The following KCNIP4 variants were observed in gnomAD, a reference collection of about 807,000 sequenced individuals.
KCNIP4 encodes Kv channel-interacting protein 4.
KCNIP4 carries 12 observed loss-of-function variants against 34.0 expected under a neutral mutation model. The ratio of observed to expected loss-of-function variants is 0.35; its 90% CI spans 0.23 to 0.57. The LOEUF is 0.57. Ranked by LOEUF, KCNIP4 falls within the 20% of genes least tolerant of loss-of-function variation. KCNIP4 has a pLI of 0.83. For missense variants in KCNIP4, 238 were observed against 311.7 expected (o/e 0.76, Z 1.78); for synonymous variants, 124 against 102.2 (o/e 1.21, Z -1.29).
At chr4:21,914,574 T>C (rs531187656) in intron 1 of KCNIP4, among the ~76,000 whole-genome samples, 1 of 152,214 alleles carries the variant, frequency 6.6e-6, no homozygotes, top group Admixed American at 6.5e-5. Flanking sequence ...TCCCTTCTCT[T>C]CAGGCAGGTC....
In KCNIP4 at chr4:21,588,570, A is replaced by T. The variant is rs529831353; in HGVS notation, c.61+360001T>A. ...AATGAATTACCTATATTTCAGATAC[A>T]TATGCAGGATACTTCTACTTTCTAT... is the stretch of plus-strand genomic sequence containing the variant. On this transcript the variant is annotated intron_variant, in intron 1 of 8. Coordinates refer to ENST00000382152, the MANE Select transcript of KCNIP4 (RefSeq NM_025221.6). Among the ~76,000 whole-genome samples the T allele has an allele frequency of 3.2e-4, 48 of 152,138 alleles. 1 individual carries two copies. Among genetic ancestry groups the T allele is most frequent in the African/African-American group, 1.1e-3 (46 of 41,560 alleles).
At chr4:21,834,839 T>A (rs1159103019) in intron 1 of KCNIP4, among the ~76,000 whole-genome samples, 1 of 152,192 alleles carries the variant, frequency 6.6e-6, no homozygotes, top group East Asian at 1.9e-4. Context: ...TTTCTGCAAC[T>A]ATTGAGATAA....
chr4:21,644,177 A>G (rs1746840393), intron 1 of KCNIP4, among the ~76,000 whole-genome samples: 1 of 152,170 alleles, frequency 6.6e-6, no homozygotes, highest in Non-Finnish European at 1.5e-5. Flanking sequence ...TGTAGTTACC[A>G]TCTACAGAGA....
chr4:21,482,812 G>A (rs529643827), intron 1 of KCNIP4, among the ~76,000 whole-genome samples: 1 of 152,090 alleles, frequency 6.6e-6, no homozygotes, highest in South Asian at 2.1e-4. Context: ...TTCTCGAGGA[G>A]TATCTTTGTG....
chr4:21,136,379 C>T (rs920711306), intron 1 of KCNIP4, among the ~76,000 whole-genome samples: 15 of 152,300 alleles, frequency 9.8e-5, no homozygotes, highest in Non-Finnish European at 2.2e-4. Context: ...GAAAAGTACA[C>T]ACGCACAATC....
intron 4 of KCNIP4, among the ~76,000 whole-genome samples, chr4:20,754,338 G>T (rs1754140971): frequency 6.6e-6 from 1 of 152,096 alleles, no homozygotes; most frequent in Non-Finnish European, 1.5e-5. Context: ...CACTTTCCTG[G>T]AGGAAATGGT....
chr4:21,823,800 G>T (rs539259892), intron 1 of KCNIP4, among the ~76,000 whole-genome samples: 1 of 152,196 alleles, frequency 6.6e-6, no homozygotes, highest in African/African-American at 2.4e-5. Flanking sequence ...TGACTTTTAT[G>T]AATCCCTCTT....
chr4:20,937,267 C>CTTTTT, intron 1 of KCNIP4, among the ~76,000 whole-genome samples: 1 of 88,146 alleles, frequency 1.1e-5, no homozygotes, highest in Non-Finnish European at 2.1e-5. Flanking sequence ...CAGAGTTTTG[C>CTTTTT]TCTGTTGCCC....
intron 1 of KCNIP4, among the ~76,000 whole-genome samples, chr4:20,897,434 G>A (rs773442011): frequency 8.5e-5 from 13 of 152,050 alleles, no homozygotes; most frequent in Non-Finnish European, 1.9e-4. Flanking sequence ...GTGTCCTCAC[G>A]AAACTACTTC....
rs548969424 is a variant in KCNIP4, at chr4:20,758,732, G to A, written c.358+89C>T. 11 of 940,644 alleles carry A rather than the reference G, an allele frequency of 1.2e-5. No individual in the cohort carries two copies. The South Asian group carries it at 1.2e-4, about 10-fold the overall frequency. 58.3% of individuals were successfully genotyped at this position (940,644 alleles called of 1,614,324 possible). ...ATTCTTTTACATAACGATTAAAAAT[G>A]TAGCATCATGCTATGAAAAATTAAA... On this transcript the variant is annotated intron_variant, in intron 4 of 8. Transcript: ENST00000382152.
chr4:21,303,848 T>C (rs1355934786), intron 1 of KCNIP4: 1 of 1,613,824 alleles, frequency 6.2e-7, no homozygotes, highest in Non-Finnish European at 8.5e-7. Flanking sequence ...TTCCAATAAT[T>C]TAACAAAAAG....
At chr4:20,824,738 G>T (rs28396497) in intron 3 of KCNIP4, among the ~76,000 whole-genome samples, 2,635 of 152,172 alleles carry the variant, frequency 0.017, 75 homozygotes, top group African/African-American at 0.061. Flanking sequence ...TCCTATAGTT[G>T]CATGGTATAA....
intron 1 of KCNIP4, among the ~76,000 whole-genome samples, chr4:21,444,592 C>T (rs530571369): frequency 6.6e-6 from 1 of 152,312 alleles, no homozygotes; most frequent in Admixed American, 6.5e-5. Context: ...ATGCTAAAAA[C>T]TCTCAATAAA....
chr4:21,122,195 G>A (rs936534302), intron 1 of KCNIP4, among the ~76,000 whole-genome samples: 8 of 141,904 alleles, frequency 5.6e-5, no homozygotes, highest in South Asian at 2.2e-4. Context: ...TTTTAAGTGC[G>A]TACACATTTT....
chr4:21,449,276 A>G (rs559785425), intron 1 of KCNIP4, among the ~76,000 whole-genome samples: 1 of 152,242 alleles, frequency 6.6e-6, no homozygotes, highest in East Asian at 1.9e-4. Context: ...AATGCCTATA[A>G]CCATTATCTT....
chr4:21,267,991 G>C (rs949901473), intron 1 of KCNIP4, among the ~76,000 whole-genome samples: 1 of 152,022 alleles, frequency 6.6e-6, no homozygotes, highest in Non-Finnish European at 1.5e-5. Flanking sequence ...GACTCTTTTT[G>C]GTTGGTATGC....
chr4:21,849,689 A>C (rs1197676492), intron 1 of KCNIP4: 2 of 152,182 alleles, frequency 1.3e-5, no homozygotes, highest in Non-Finnish European at 2.9e-5. Context: ...TATTAAAATT[A>C]TTTTAACAAT....
At chr4:20,992,891 G>A (rs185093442) in intron 1 of KCNIP4, among the ~76,000 whole-genome samples, 84 of 151,930 alleles carry the variant, frequency 5.5e-4, no homozygotes, top group Middle Eastern at 3.4e-3. Context: ...AGCCGGGCGC[G>A]GCGGTGGGCA....
At chr4:20,899,113 C>T (rs1239549289) in intron 1 of KCNIP4, among the ~76,000 whole-genome samples, 2 of 152,168 alleles carry the variant, frequency 1.3e-5, no homozygotes, top group Non-Finnish European at 2.9e-5. Context: ...ATATTGTTAA[C>T]TGTACATGTT....
Sources: allele counts gnomAD v4.1 joint callset (sites outside exome capture counted in the v4.1 genomes callset), GRCh38; gene constraint gnomAD v4.1.1; transcripts MANE v1.5; gene names NCBI Gene and HGNC (gene_info 2026-07-23, HGNC 2026-07-21).